KBTBD2: variants seen among roughly 807,000 people sequenced by gnomAD.
The protein encoded by KBTBD2 is kelch repeat and BTB domain containing 2, also known as kelch repeat and BTB domain-containing protein 2.
Under a neutral mutation model 57.1 loss-of-function variants are expected in KBTBD2, and 17 were observed. The observed-to-expected ratio is 0.30, with a 90% CI of 0.20 to 0.45. The LOEUF (loss-of-function observed/expected upper bound fraction) is 0.45. Ranked by LOEUF, KBTBD2 falls within the 20% of genes least tolerant of loss-of-function variation. KBTBD2 has a pLI of 1.00. For missense variants in KBTBD2, 515 were observed against 750.6 expected (o/e 0.69, Z 3.67); for synonymous variants, 267 against 262.7 (o/e 1.02, Z -0.16).
chr7:32,873,593 G>A (rs932934072), intron 3 of KBTBD2, among the ~76,000 whole-genome samples: 4 of 152,126 alleles, frequency 2.6e-5, no homozygotes, highest in African/African-American at 9.7e-5. Flanking sequence ...AATTAGCTGG[G>A]CATGGTGGTA....
At chr7:32,878,247 G>C (rs1784361924) in intron 2 of KBTBD2, among the ~76,000 whole-genome samples, 1 of 152,104 alleles carries the variant, frequency 6.6e-6, no homozygotes, top group African/African-American at 2.4e-5. Flanking sequence ...AGCCCTGAAA[G>C]GTCAAATGAA....
intron 1 of KBTBD2, among the ~76,000 whole-genome samples, chr7:32,888,695 A>C (rs942306086): frequency 3.1e-5 from 4 of 130,936 alleles, no homozygotes; most frequent in African/African-American, 5.9e-5. Context: ...ACTCCGTCCC[A>C]AAAAAAAAAA....
chr7:32,870,626 A>T lies in KBTBD2; in HGVS notation c.591T>A (p.Ala197=). 1 of 1,614,174 alleles carries T rather than the reference A, an allele frequency of 6.2e-7. No individual in the cohort carries two copies. Among genetic ancestry groups the T allele is most frequent in the Middle Eastern group, 1.6e-4 (1 of 6,062 alleles). Residue 197 remains alanine, a synonymous_variant, in exon 4 of 4, where the codon GCT becomes GCA. Transcript: ENST00000304056. The part of the protein sequence containing the change: ...NVEKEETVRE[A]AMLWLEYNTE... Reference sequence around the variant, plus strand: ...TGTTATACTCTAGCCACAGCATAGCAGCTTCTCGAACGGTTTCTTCCTTTT... The same window carrying T: ...TGTTATACTCTAGCCACAGCATAGCTGCTTCTCGAACGGTTTCTTCCTTTT...
chr7:32,892,121 T>G (rs1345438533), upstream of KBTBD2: 1 of 152,032 alleles, frequency 6.6e-6, no homozygotes, highest in Admixed American at 6.5e-5. Context: ...CTCTGCCGGA[T>G]GCCACCGGAA....
intron 1 of KBTBD2, among the ~76,000 whole-genome samples, chr7:32,883,084 A>G (rs998957630): frequency 1.3e-5 from 2 of 152,044 alleles, no homozygotes; most frequent in Non-Finnish European, 2.9e-5. Flanking sequence ...AAAATGTGAA[A>G]GCTTGGCCAG....
At chr7:32,888,142 T>C (rs549029679) in intron 1 of KBTBD2, among the ~76,000 whole-genome samples, 2 of 152,342 alleles carry the variant, frequency 1.3e-5, no homozygotes, top group East Asian at 1.9e-4. Context: ...TCAGAGAATA[T>C]TGGGACTTTT....
Position 32,890,552 on chromosome 7 carries a change from A to G in KBTBD2, c.-339+984T>C, listed in dbSNP as rs181653527. 8.5e-4 allele frequency among the ~76,000 whole-genome samples: 129 copies of G among 152,290 alleles called. 1 individual carries two copies. Among genetic ancestry groups the G allele is most frequent in the African/African-American group, 3.0e-3 (123 of 41,556 alleles). On this transcript the variant is annotated intron_variant, in intron 1 of 3. Coordinates refer to ENST00000304056, the MANE Select transcript of KBTBD2 (RefSeq NM_015483.3). The stretch of plus-strand genomic sequence containing the variant: ...AGTTGCCTCGATAAAAGAAAATATC[A>G]TTTTGGTCAGTGCACAGCGTTGATA...
chr7:32,883,529 G>A (rs993480275), intron 1 of KBTBD2, among the ~76,000 whole-genome samples: 22 of 148,638 alleles, frequency 1.5e-4, no homozygotes, highest in African/African-American at 5.3e-4. Context: ...ATCCTCTGAA[G>A]CAATTCAGTA....
chr7:32,887,699 G>T (rs1784615717), intron 1 of KBTBD2, among the ~76,000 whole-genome samples: 1 of 152,064 alleles, frequency 6.6e-6, no homozygotes, highest in African/African-American at 2.4e-5. Context: ...AATTTTTGTT[G>T]GAAAAGATCC....
Position 32,885,017 on chromosome 7 carries a change from T to TATAC in KBTBD2, c.-338-5076_-338-5075insGTAT, listed in dbSNP as rs1554278171. ...ACATATATGTGTATATATATATATA[T>TATAC]ACACACACATACACACACACAAATT... On this transcript the variant is annotated intron_variant, in intron 1 of 3. Transcript: ENST00000304056. Among the ~76,000 whole-genome samples the TATAC allele has an allele frequency of 1.2e-3, 146 of 125,058 alleles. 1 individual carries two copies. The highest frequency in any genetic ancestry group is 2.9e-3 in the African/African-American group (85 of 29,162). 82.0% of individuals were successfully genotyped at this position (125,058 alleles called of 152,430 possible).
chr7:32,879,388 A>T (rs1212434029), intron 2 of KBTBD2, 47 bp downstream of exon 2: 1 of 1,410,484 alleles, frequency 7.1e-7, no homozygotes, highest in Non-Finnish European at 9.7e-7. Flanking sequence ...TTAAAAAATT[A>T]AATAACATTT....
At chr7:32,874,098 A>G (rs1166207048) in intron 3 of KBTBD2, among the ~76,000 whole-genome samples, 1 of 152,014 alleles carries the variant, frequency 6.6e-6, no homozygotes, top group African/African-American at 2.4e-5. Flanking sequence ...TCGTGTCTCT[A>G]CAAAAAATAA....
At chr7:32,871,842 GC>G (rs1347374078) in intron 3 of KBTBD2, among the ~76,000 whole-genome samples, 6 of 111,118 alleles carry the variant, frequency 5.4e-5, no homozygotes, top group African/African-American at 3.0e-4. Context: ...GGCTTCCAGG[GC>G]AACACAGTCT....
At chr7:32,873,932 C>A (rs1470461844) in intron 3 of KBTBD2, among the ~76,000 whole-genome samples, 3 of 152,114 alleles carry the variant, frequency 2.0e-5, no homozygotes, top group African/African-American at 7.2e-5. Context: ...AAACCTTTTA[C>A]CTTCTAAAAC....
chr7:32,882,040 G>T (rs777803531), intron 1 of KBTBD2, among the ~76,000 whole-genome samples: 1 of 151,634 alleles, frequency 6.6e-6, no homozygotes, highest in Non-Finnish European at 1.5e-5. Flanking sequence ...ATAGCCTCAC[G>T]TTACTTCAGG....
chr7:32,890,270 A>C (rs1784697359), intron 1 of KBTBD2, among the ~76,000 whole-genome samples: 1 of 152,234 alleles, frequency 6.6e-6, no homozygotes, highest in South Asian at 2.1e-4. Flanking sequence ...ACAGAAGATC[A>C]AAGTGAAGAA....
chr7:32,876,892 G>A (rs1784325804), intron 2 of KBTBD2, among the ~76,000 whole-genome samples: 1 of 152,132 alleles, frequency 6.6e-6, no homozygotes. Flanking sequence ...GGGAGGCAGA[G>A]GTTGCAGTGA....
intron 1 of KBTBD2, among the ~76,000 whole-genome samples, chr7:32,882,934 G>A (rs930823136): frequency 1.3e-5 from 2 of 152,214 alleles, no homozygotes; most frequent in African/African-American, 2.4e-5. Context: ...GCAGTGAGCC[G>A]AGATCGTGCC....
chr7:32,871,089 C>CT (rs1386264879), intron 3 of KBTBD2, among the ~76,000 whole-genome samples: 4 of 152,084 alleles, frequency 2.6e-5, no homozygotes, highest in African/African-American at 9.7e-5. Context: ...CAGTGGCCTA[C>CT]TTAACTGTTC....
Sources: allele counts gnomAD v4.1 joint callset (sites outside exome capture counted in the v4.1 genomes callset), GRCh38; gene constraint gnomAD v4.1.1; transcripts MANE v1.5; gene names NCBI Gene and HGNC (gene_info 2026-07-23, HGNC 2026-07-21).